The following ALK variants were observed in gnomAD, a reference collection of about 807,000 sequenced individuals.
ALK encodes the protein ALK tyrosine kinase receptor.
Under a neutral mutation model 163.1 loss-of-function variants are expected in ALK, and 74 were observed. That is an observed-to-expected ratio of 0.45 (90% CI 0.38 to 0.55). The LOEUF (loss-of-function observed/expected upper bound fraction) is 0.55, where lower values mean the gene tolerates loss of function less well. ALK is among the 20% of genes least tolerant of loss of function. The pLI, the probability that ALK is intolerant of heterozygous loss-of-function variation, is 0.00. For missense variants in ALK, 2,063 were observed against 2,105.3 expected (o/e 0.98, Z 0.39); for synonymous variants, 960 against 843.2 (o/e 1.14, Z -2.40).
intron 1 of ALK, among the ~76,000 whole-genome samples, chr2:29,809,283 G>T (rs994118434): frequency 6.6e-6 from 1 of 152,184 alleles, no homozygotes; most frequent in East Asian, 1.9e-4. Flanking sequence ...TCCATACATT[G>T]TTTCATTTAA....
chr2:29,849,114 C>T (rs1322691105), intron 1 of ALK, among the ~76,000 whole-genome samples: 1 of 152,188 alleles, frequency 6.6e-6, no homozygotes, highest in Non-Finnish European at 1.5e-5. Context: ...CTGCTCTTCC[C>T]ACCTCTCTAA....
chr2:29,589,498 TTCC>T (rs779782190), intron 3 of ALK, among the ~76,000 whole-genome samples: 1 of 152,168 alleles, frequency 6.6e-6, no homozygotes, highest in Non-Finnish European at 1.5e-5. Flanking sequence ...ACCAACAAGC[TTCC>T]TCAAGTTTGT....
At chr2:29,853,125 A>G (rs1373120182) in intron 1 of ALK, among the ~76,000 whole-genome samples, 1 of 152,198 alleles carries the variant, frequency 6.6e-6, no homozygotes, top group Non-Finnish European at 1.5e-5. Flanking sequence ...TGCTGTTATT[A>G]TTAATATATG....
Position 29,524,291 on chromosome 2 carries a change from G to C in ALK, c.1154+7624C>G, listed in dbSNP as rs78949669. Among the ~76,000 whole-genome samples the C allele has an allele frequency of 1.7e-4, 26 of 152,288 alleles. No individual in the cohort carries two copies. The East Asian group carries it at 4.8e-3, about 28-fold the overall frequency. On this transcript the variant is annotated intron_variant, in intron 4 of 28. Transcript: ENST00000389048. ...AAAGTCTCCATCTTCAAGACTTGTG[G>C]GCCAGAATTAGATGACCAAATTTCA...
intron 1 of ALK, among the ~76,000 whole-genome samples, chr2:29,776,900 A>G (rs1359329954): frequency 6.6e-6 from 1 of 152,224 alleles, no homozygotes. Flanking sequence ...GGATTCCTTC[A>G]GGATACCACC....
At chr2:29,665,803 C>T (rs966700852) in intron 3 of ALK, among the ~76,000 whole-genome samples, 7 of 152,044 alleles carry the variant, frequency 4.6e-5, no homozygotes, top group African/African-American at 7.2e-5. Context: ...TTGGAACCTA[C>T]GTAGACTTGC....
intron 4 of ALK, among the ~76,000 whole-genome samples, chr2:29,441,897 A>G (rs552705864): frequency 3.9e-4 from 59 of 152,266 alleles, no homozygotes; most frequent in African/African-American, 1.3e-3. Context: ...GAAGAGTAAA[A>G]AGTTATGATC....
chr2:29,866,225 A>T (rs1666431699), intron 1 of ALK, among the ~76,000 whole-genome samples: 1 of 152,146 alleles, frequency 6.6e-6, no homozygotes, highest in Non-Finnish European at 1.5e-5. Flanking sequence ...AGGCCACTTC[A>T]TCCCTCAAGA....
At chr2:29,666,006 TGTCCTGCCACCATGCC>T (rs1457318855) in intron 3 of ALK, among the ~76,000 whole-genome samples, 1 of 152,154 alleles carries the variant, frequency 6.6e-6, no homozygotes, top group Non-Finnish European at 1.5e-5. Context: ...TCCCTTCTGC[TGTCCTGCCACCATGCC>T]GAAGTTCACG....
At chr2:29,903,073 C>G (rs554455970) in intron 1 of ALK, among the ~76,000 whole-genome samples, 206 of 152,276 alleles carry the variant, frequency 1.4e-3, no homozygotes, top group Non-Finnish European at 2.6e-3. Flanking sequence ...CAAATGCTGA[C>G]TCAAAATCCT....
chr2:29,281,284 C>G (rs966983276), intron 9 of ALK, among the ~76,000 whole-genome samples: 1 of 152,176 alleles, frequency 6.6e-6, no homozygotes, highest in Non-Finnish European at 1.5e-5. Flanking sequence ...GAAACCTCAG[C>G]TCTGGATGGG....
At chr2:29,660,377 C>T (rs1461756515) in intron 3 of ALK, among the ~76,000 whole-genome samples, 1 of 152,124 alleles carries the variant, frequency 6.6e-6, no homozygotes, top group Non-Finnish European at 1.5e-5. Flanking sequence ...GAAGAGTTGC[C>T]AAGACAGGTG....
chr2:29,782,643 T>A (rs1165619405), intron 1 of ALK, among the ~76,000 whole-genome samples: 2 of 152,152 alleles, frequency 1.3e-5, no homozygotes, highest in African/African-American at 4.8e-5. Flanking sequence ...AGGGAATACC[T>A]TTAGGAGGCA....
At chr2:29,493,321 T>A (rs1160029886) in intron 4 of ALK, among the ~76,000 whole-genome samples, 1 of 152,198 alleles carries the variant, frequency 6.6e-6, no homozygotes, top group Non-Finnish European at 1.5e-5. Flanking sequence ...CTCCGCTGTT[T>A]CAGGTCCTAA....
At position 29,474,997 on chromosome 2, in the gene ALK, A is replaced by C. The variant is rs538484547; in HGVS notation, c.1154+56918T>G. Among the ~76,000 whole-genome samples, 5 of 152,070 alleles carry C rather than the reference A, an allele frequency of 3.3e-5. No homozygotes were observed. The East Asian group carries it at 9.8e-4, about 30-fold the overall frequency. ...AGAGAGGAGTTAGGGAACCCCTTGA[A>C]GTTTCTGCAGAAGAAACCGCCAGGC... On this transcript the variant is annotated intron_variant, in intron 4 of 28. Coordinates refer to ENST00000389048, the MANE Select transcript of ALK (RefSeq NM_004304.5).
At position 29,837,815 on chromosome 2, in the gene ALK, T is replaced by C. The variant is rs78272923; in HGVS notation, c.667+82178A>G. 3.1e-3 allele frequency among the ~76,000 whole-genome samples: 474 copies of C among 152,116 alleles called. 2 individuals carry two copies. Among genetic ancestry groups the C allele is most frequent in the South Asian group, 9.6e-3 (46 of 4,812 alleles). ...TAGCATACAATCAAAAATTACCAGATAGGCAAAGAAGAAAGAAAATGTGAC... is the reference window on the plus strand; with the variant it reads ...TAGCATACAATCAAAAATTACCAGACAGGCAAAGAAGAAAGAAAATGTGAC... On this transcript the variant is annotated intron_variant, in intron 1 of 28. Transcript: ENST00000389048.
At chr2:29,275,517 G>A in intron 9 of ALK, 21 bp from the exon 10 acceptor site, 1 of 1,612,928 alleles carries the variant, frequency 6.2e-7, no homozygotes, top group South Asian at 1.1e-5. Context: ...CAAGAGGAAT[G>A]TGTGTGAGGA....
chr2:29,199,247 C>T (rs1669100725), intron 26 of ALK, among the ~76,000 whole-genome samples: 1 of 152,186 alleles, frequency 6.6e-6, no homozygotes, highest in Admixed American at 6.5e-5. Flanking sequence ...AAACACCGCA[C>T]CTGGCCTTAG....
intron 3 of ALK, among the ~76,000 whole-genome samples, chr2:29,637,782 T>C (rs966487850): frequency 6.6e-6 from 1 of 151,138 alleles, no homozygotes; most frequent in Non-Finnish European, 1.5e-5. Flanking sequence ...GTCAATATCA[T>C]GGTTGTGATA....
Sources: allele counts gnomAD v4.1 joint callset (sites outside exome capture counted in the v4.1 genomes callset), GRCh38; gene constraint gnomAD v4.1.1; transcripts MANE v1.5; gene names NCBI Gene and HGNC (gene_info 2026-07-23, HGNC 2026-07-21).